SLC29A4: variants seen among roughly 807,000 people sequenced by gnomAD.
The protein encoded by SLC29A4 is solute carrier family 29 member 4.
SLC29A4 carries 36 observed loss-of-function variants against 43.9 expected under a neutral mutation model. The ratio of observed to expected loss-of-function variants is 0.82; its 90% CI spans 0.63 to 1.08. SLC29A4 has a LOEUF of 1.08. Ranked by LOEUF, SLC29A4 falls within the 50% of genes least tolerant of loss-of-function variation. The pLI, the probability that SLC29A4 is intolerant of heterozygous loss-of-function variation, is 0.00. For synonymous variants in SLC29A4, 491 were observed against 338.0 expected (o/e 1.45, Z -4.97); for missense variants, 869 against 755.3 (o/e 1.15, Z -1.77).
intron 10 of SLC29A4, among the ~76,000 whole-genome samples, chr7:5,300,906 G>A (rs542647536): frequency 1.4e-4 from 21 of 152,296 alleles, no homozygotes; most frequent in African/African-American, 4.3e-4. Context: ...TCAAGGCACC[G>A]GGGACACAGT....
rs1225515907 is a variant in SLC29A4, at chr7:5,304,753, C to G, written c.*1814C>G. The G allele has an allele frequency of 6.6e-6, 1 of 152,242 alleles. No homozygotes were observed. Among genetic ancestry groups the G allele is most frequent in the African/African-American group, 2.4e-5 (1 of 41,438 alleles). The allele number at this position is 152,242 out of a possible 1,614,324, so 9.4% of individuals were successfully genotyped here. A position where few individuals can be genotyped will look rare whatever the true frequency, so the allele number is the denominator to read the frequency against. ...TCCTGATCTCAAGTGATCCATCTGT[C>G]TCATCCTCCCAAAGTGTTGGGATTA... On this transcript the variant is annotated 3_prime_UTR_variant, in exon 11 of 11. Transcript: ENST00000396872.
intron 5 of SLC29A4, among the ~76,000 whole-genome samples, chr7:5,292,175 A>T: frequency 6.6e-6 from 1 of 152,142 alleles, no homozygotes; most frequent in East Asian, 1.9e-4. Flanking sequence ...CAGTGGCATG[A>T]TCATAGCTCA....
chr7:5,296,719 G>T (rs868844260), intron 6 of SLC29A4, among the ~76,000 whole-genome samples: 32 of 146,432 alleles, frequency 2.2e-4, no homozygotes, highest in East Asian at 1.2e-3. Context: ...TTGCGGGAGT[G>T]GGGTGGTGGC....
intron 2 of SLC29A4, among the ~76,000 whole-genome samples, chr7:5,289,677 C>T (rs140524932): frequency 6.6e-6 from 1 of 152,164 alleles, no homozygotes; most frequent in East Asian, 1.9e-4. Flanking sequence ...GTCAAGGTGA[C>T]CATAAACAGA....
rs1166917659 is a variant in SLC29A4 at position 5,299,271 on chromosome 7, G to A, written c.1053G>A (p.Arg351=). 27 of 1,612,004 alleles carry A rather than the reference G, an allele frequency of 1.7e-5. No individual in the cohort carries two copies. Among genetic ancestry groups the A allele is most frequent in the East Asian group, 2.2e-5 (1 of 44,882 alleles). ...TACTGCACCGCTACGTGGTGGCGCG[G>A]GTGATCTGGGCCGACATGCTCTCCA... is the stretch of plus-strand genomic sequence containing the variant. ...ALLLHRYVVA[R]VIWADMLSIA... is the part of the protein sequence containing the mutation. The change falls in exon 9 of 11, where the codon CGG becomes CGA. Residue 351 remains arginine (R), a synonymous_variant. Transcript: ENST00000396872.
chr7:5,297,595 A>G (rs543711463), intron 7 of SLC29A4, among the ~76,000 whole-genome samples: 6 of 152,288 alleles, frequency 3.9e-5, no homozygotes, highest in African/African-American at 1.4e-4. Flanking sequence ...CACGTTGGAG[A>G]GTCCTCCTGC....
chr7:5,289,601 T>A (rs1785175875), intron 2 of SLC29A4, among the ~76,000 whole-genome samples: 1 of 152,040 alleles, frequency 6.6e-6, no homozygotes, highest in Admixed American at 6.6e-5. Flanking sequence ...GAAGGGACTT[T>A]AATCGCAAAA....
chr7:5,299,083 T>C lies in SLC29A4; in HGVS notation c.978T>C (p.Asp326=), dbSNP rs6950111. 0.33 allele frequency: 531,951 copies of C among 1,609,574 alleles called. 91,685 individuals are homozygous for C. The highest frequency in any genetic ancestry group is 0.46 in the African/African-American group (34,491 of 74,918). ...TGSGGAYMRF[D]VPRPRVQRSW... is the part of the protein sequence containing the mutation. ...GCGGCGGGGCCTACATGCGCTTTGATGTGCCGCGGCCAAGGGTCCAGCGCA... is the reference window on the plus strand; with the variant it reads ...GCGGCGGGGCCTACATGCGCTTTGACGTGCCGCGGCCAAGGGTCCAGCGCA... The change falls in exon 8 of 11, where the codon GAT becomes GAC. Residue 326 remains aspartate, a synonymous_variant. Coordinates refer to ENST00000396872, the MANE Select transcript of SLC29A4 (RefSeq NM_153247.4).
chr7:5,285,215 C>CGTTCAA (rs1157850234), intron 1 of SLC29A4, among the ~76,000 whole-genome samples: 9 of 152,198 alleles, frequency 5.9e-5, no homozygotes, highest in Non-Finnish European at 1.2e-4. Context: ...GAGCCACCCT[C>CGTTCAA]GTTCAAGCCC....
intron 1 of SLC29A4, among the ~76,000 whole-genome samples, chr7:5,287,027 C>T (rs1316161393): frequency 6.6e-6 from 1 of 152,220 alleles, no homozygotes; most frequent in Non-Finnish European, 1.5e-5. Context: ...ACCATGCAGG[C>T]CACCTTGGTT....
At chr7:5,298,130 C>T (rs1198429683) in intron 7 of SLC29A4, among the ~76,000 whole-genome samples, 1 of 152,178 alleles carries the variant, frequency 6.6e-6, no homozygotes, top group Non-Finnish European at 1.5e-5. Flanking sequence ...GTCATGCAGG[C>T]CTTGATCCAG....
chr7:5,295,540 A>C (rs1234258562), intron 6 of SLC29A4, among the ~76,000 whole-genome samples: 1 of 152,162 alleles, frequency 6.6e-6, no homozygotes, highest in Non-Finnish European at 1.5e-5. Flanking sequence ...GCCCCTGCAG[A>C]GGGGCAGCAC....
intron 4 of SLC29A4, 93 bp from the exon 5 acceptor site, chr7:5,291,600 A>T: frequency 6.8e-7 from 1 of 1,472,392 alleles, no homozygotes; most frequent in Non-Finnish European, 9.2e-7. Flanking sequence ...AGGGCAGAGA[A>T]AGCCTCAGAG....
At position 5,303,154 on chromosome 7, in the gene SLC29A4, C is replaced by T. The variant is rs1786291916; in HGVS notation, c.*215C>T. On this transcript the variant is annotated 3_prime_UTR_variant, in exon 11 of 11. Transcript: ENST00000396872. ...GAACACGTTTCTGCGACCCGGGGCT[C>T]TGGCCAGCACTGTGTTCTGCGTTTG... 8 of 613,570 alleles carry T rather than the reference C, an allele frequency of 1.3e-5. No homozygotes were observed. Among genetic ancestry groups the T allele is most frequent in the South Asian group, 8.1e-5 (4 of 49,674 alleles). 38.0% of individuals were successfully genotyped at this position (613,570 alleles called of 1,614,324 possible).
In SLC29A4 at chr7:5,297,036, G is replaced by A. The variant is rs140046634; in HGVS notation, c.720G>A (p.Ala240=). The change falls in exon 7 of 11, where the codon GCG becomes GCA. Residue 240 remains alanine (A), a synonymous_variant. Transcript: ENST00000396872. ...STLIFFLVSV[A]LELLCFLLHL... is the part of the protein sequence containing the mutation. The stretch of plus-strand genomic sequence containing the variant: ...TCATCTTCTTCCTGGTGTCGGTGGC[G>A]CTGGAGCTGCTGTGTTTCCTGCTGC... The A allele has an allele frequency of 1.1e-5, 18 of 1,606,578 alleles. No homozygotes were observed. Among genetic ancestry groups the A allele is most frequent in the Non-Finnish European group, 1.4e-5 (17 of 1,179,680 alleles).
At position 5,287,881 on chromosome 7, in the gene SLC29A4, T is replaced by G; in HGVS notation, c.65T>G (p.Val22Gly). Residue 22 changes from valine to glycine, a missense_variant, in exon 2 of 11, where the codon GTA becomes GGA. Coordinates refer to ENST00000396872, the MANE Select transcript of SLC29A4 (RefSeq NM_153247.4). ...PSVAGTPDPG[V>G]VMSFTFDSHQ... is the part of the protein sequence containing the mutation. ...GTGGCAGGCACACCAGACCCGGGCGTAGTGATGAGCTTCACCTTCGACAGT... is the reference window on the plus strand; with the variant it reads ...GTGGCAGGCACACCAGACCCGGGCGGAGTGATGAGCTTCACCTTCGACAGT... 6.2e-7 allele frequency: 1 copy of G among 1,611,866 alleles called. No homozygotes were observed. Among genetic ancestry groups the G allele is most frequent in the Non-Finnish European group, 8.5e-7 (1 of 1,179,828 alleles).
At chr7:5,287,772 C>T (rs967225338) in intron 1 of SLC29A4, 37 bp from the exon 2 acceptor site, 1 of 1,593,756 alleles carries the variant, frequency 6.3e-7, no homozygotes, top group Non-Finnish European at 8.5e-7. Flanking sequence ...CCTCAGCCTT[C>T]TTCCCTCACC....
At chr7:5,302,301 G>C (rs1340662300) in intron 10 of SLC29A4, among the ~76,000 whole-genome samples, 1 of 152,184 alleles carries the variant, frequency 6.6e-6, no homozygotes, top group Non-Finnish European at 1.5e-5. Flanking sequence ...ACTGGCTCAG[G>C]ACGGTGTTTT....
At chr7:5,291,520 C>A (rs1785308609) in intron 4 of SLC29A4, among the ~76,000 whole-genome samples, 173 bp from the exon 5 acceptor site, 1 of 152,224 alleles carries the variant, frequency 6.6e-6, no homozygotes, top group African/African-American at 2.4e-5. Context: ...TCAAATGGTG[C>A]CTCCTACAGG....
Sources: allele counts gnomAD v4.1 joint callset (sites outside exome capture counted in the v4.1 genomes callset), GRCh38; gene constraint gnomAD v4.1.1; transcripts MANE v1.5; gene names NCBI Gene and HGNC (gene_info 2026-07-23, HGNC 2026-07-21).